PACRG: variants seen among roughly 807,000 people sequenced by gnomAD.
The protein encoded by PACRG is parkin coregulated.
PACRG carries 29 observed loss-of-function variants against 29.7 expected under a neutral mutation model. The observed-to-expected ratio is 0.98, with a 90% CI of 0.73 to 1.33. The LOEUF (loss-of-function observed/expected upper bound fraction) is 1.33, where lower values mean the gene tolerates loss of function less well. Among genes scored for constraint, PACRG ranks in the 40% most tolerant of loss-of-function variants. The pLI, the probability that PACRG is intolerant of heterozygous loss-of-function variation, is 0.00. For missense variants in PACRG, 279 were observed against 316.2 expected (o/e 0.88, Z 0.89); for synonymous variants, 116 against 118.7 (o/e 0.98, Z 0.15).
chr6:163,143,896 T>C (rs565627540), intron 4 of PACRG, among the ~76,000 whole-genome samples: 1 of 152,192 alleles, frequency 6.6e-6, no homozygotes, highest in African/African-American at 2.4e-5. Flanking sequence ...AGTTGAATGA[T>C]GTTTCCAACT....
intron 4 of PACRG, among the ~76,000 whole-genome samples, chr6:163,311,160 T>C (rs1785398766): frequency 6.6e-6 from 1 of 152,236 alleles, no homozygotes; most frequent in South Asian, 2.1e-4. Context: ...GTAGGTCACA[T>C]GCCTCCTGCA....
chr6:162,844,308 T>G (rs897694872), intron 2 of PACRG, among the ~76,000 whole-genome samples: 1 of 152,066 alleles, frequency 6.6e-6, no homozygotes, highest in Admixed American at 6.6e-5. Context: ...TGGTGCGCCG[T>G]TTTTTAAGCC....
intron 2 of PACRG, among the ~76,000 whole-genome samples, chr6:162,873,390 AC>A (rs1458598994): frequency 6.6e-6 from 1 of 152,060 alleles, no homozygotes; most frequent in Non-Finnish European, 1.5e-5. Context: ...TTCTTTCTAA[AC>A]CTTTACTTTC....
chr6:162,766,677 A>T (rs1000583746), intron 1 of PACRG, among the ~76,000 whole-genome samples: 2 of 152,106 alleles, frequency 1.3e-5, no homozygotes, highest in African/African-American at 4.8e-5. Context: ...GAATTTTGAT[A>T]TTTCTTCTTG....
rs908268740 is a variant in PACRG, at chr6:162,853,548, A to G, written c.291+39267A>G. 6.6e-6 allele frequency among the ~76,000 whole-genome samples: 1 copy of G among 152,222 alleles called. No individual in the cohort carries two copies. Among genetic ancestry groups the G allele is most frequent in the African/African-American group, 2.4e-5 (1 of 41,460 alleles). On this transcript the variant is annotated intron_variant, in intron 2 of 4. Coordinates refer to ENST00000366888, the MANE Select transcript of PACRG (RefSeq NM_001080379.2). The surrounding 1 kb of genome is among the most constrained non-coding windows in gnomAD (Gnocchi z 4.7). Reference sequence around the variant, plus strand: ...CAGAAAGAAATATGCATACAAAGCTATACTACCAGATAACACAGGAACAGA... The same window carrying G: ...CAGAAAGAAATATGCATACAAAGCTGTACTACCAGATAACACAGGAACAGA...
intron 2 of PACRG, among the ~76,000 whole-genome samples, chr6:162,961,445 A>G (rs868608735): frequency 8.5e-5 from 13 of 152,290 alleles, no homozygotes; most frequent in Middle Eastern, 6.8e-3. Flanking sequence ...TATAACTCCA[A>G]CCTTGTATTT....
rs192888516 is a variant in PACRG at position 162,805,638 on chromosome 6, A to G, written c.157-8509A>G. ...AAAACTTCTTTCAAAATTGGAGTCA[A>G]TCTTCTCAAATTGTGCCCATGCTTT... On this transcript the variant is annotated intron_variant, in intron 1 of 4. Transcript: ENST00000366888. Among the ~76,000 whole-genome samples the G allele has an allele frequency of 7.5e-3, 1,137 of 152,338 alleles. 4 individuals are homozygous for G. Among genetic ancestry groups the G allele is most frequent in the Non-Finnish European group, 0.012 (810 of 68,024 alleles).
At chr6:162,763,568 G>T (rs58101470) in intron 1 of PACRG, among the ~76,000 whole-genome samples, 8,044 of 152,190 alleles carry the variant, frequency 0.053, 720 homozygotes, top group African/African-American at 0.18. Flanking sequence ...GATATTCACA[G>T]GCTCTGTTCT....
intron 1 of PACRG, among the ~76,000 whole-genome samples, chr6:162,772,718 G>T (rs1335806555): frequency 3.9e-5 from 6 of 152,176 alleles, no homozygotes; most frequent in African/African-American, 1.4e-4. Context: ...CAAAGAGTAG[G>T]CTAGAGAAAA....
intron 1 of PACRG, among the ~76,000 whole-genome samples, chr6:162,788,745 T>A (rs1041469626): frequency 1.3e-5 from 2 of 152,210 alleles, no homozygotes; most frequent in Non-Finnish European, 2.9e-5. Flanking sequence ...AAATTGGCAT[T>A]TCTTTATGGC....
At chr6:162,732,118 G>T (rs1036695121) in intron 1 of PACRG, among the ~76,000 whole-genome samples, 2 of 152,042 alleles carry the variant, frequency 1.3e-5, no homozygotes, top group East Asian at 3.9e-4. Flanking sequence ...CATCCAACTG[G>T]CCAGAACCTA....
rs538081299 is a variant in PACRG, at chr6:162,933,519, G to T, written c.291+119238G>T. On this transcript the variant is annotated intron_variant, in intron 2 of 4. Coordinates refer to ENST00000366888, the MANE Select transcript of PACRG (RefSeq NM_001080379.2). ...TTGCATTACATTTGTGGGTGTTTTG[G>T]TGTTGTGAGCATAAATATTTACAAT... 2.0e-5 allele frequency among the ~76,000 whole-genome samples: 3 copies of T among 150,316 alleles called. No homozygotes were observed. The South Asian group carries it at 6.3e-4, about 32-fold the overall frequency.
chr6:163,031,996 A>G (rs1807712586), intron 2 of PACRG, among the ~76,000 whole-genome samples: 1 of 152,234 alleles, frequency 6.6e-6, no homozygotes, highest in African/African-American at 2.4e-5. Flanking sequence ...AGTTTCTCCA[A>G]TTGTGTCATG....
At position 162,882,083 on chromosome 6, in the gene PACRG, A is replaced by C. The variant is rs531744738; in HGVS notation, c.291+67802A>C. Among the ~76,000 whole-genome samples the C allele has an allele frequency of 7.3e-4, 102 of 140,204 alleles. 1 individual carries two copies. The highest frequency in any genetic ancestry group is 2.7e-3 in the African/African-American group (97 of 36,338). 92.0% of individuals were successfully genotyped at this position (140,204 alleles called of 152,430 possible). A position where few individuals can be genotyped will look rare whatever the true frequency, so the allele number is the denominator to read the frequency against. ...GGGGCGCTCTCCACCAAGACCAGAGACTCGGGGTGGGGGGGCGCACTCTCC... is the reference window on the plus strand; with the variant it reads ...GGGGCGCTCTCCACCAAGACCAGAGCCTCGGGGTGGGGGGGCGCACTCTCC... On this transcript the variant is annotated intron_variant, in intron 2 of 4. Transcript: ENST00000366888.
At chr6:163,298,060 TG>T (rs1784848400) in intron 4 of PACRG, among the ~76,000 whole-genome samples, 1 of 152,206 alleles carries the variant, frequency 6.6e-6, no homozygotes, top group Non-Finnish European at 1.5e-5. Context: ...CTCTGCTCTC[TG>T]AAATAGTGCT....
upstream of PACRG, chr6:162,727,657 C>A (rs1204087943): frequency 6.3e-7 from 1 of 1,584,678 alleles, no homozygotes; most frequent in Admixed American, 1.8e-5. Context: ...CAGGTACCCA[C>A]GTACCTATCA....
chr6:162,859,071 T>C (rs1791638272), intron 2 of PACRG, among the ~76,000 whole-genome samples: 1 of 152,158 alleles, frequency 6.6e-6, no homozygotes, highest in Non-Finnish European at 1.5e-5. Context: ...CCTTAAATAA[T>C]TGGAGGCCTC....
intron 1 of PACRG, among the ~76,000 whole-genome samples, chr6:162,747,506 G>A (rs1408634418): frequency 1.6e-5 from 1 of 61,994 alleles, no homozygotes; most frequent in African/African-American, 7.0e-5. Flanking sequence ...CATTAGTTCT[G>A]TCCCTCCAGA....
intron 1 of PACRG, among the ~76,000 whole-genome samples, chr6:162,735,826 T>C (rs371929516): frequency 6.6e-6 from 1 of 152,294 alleles, no homozygotes; most frequent in South Asian, 2.1e-4. Context: ...TTCAACTAGC[T>C]CACAGTGAAA....
Sources: allele counts gnomAD v4.1 joint callset (sites outside exome capture counted in the v4.1 genomes callset), GRCh38; gene constraint gnomAD v4.1.1; non-coding constraint Gnocchi (gnomAD v3.1); transcripts MANE v1.5; gene names NCBI Gene and HGNC (gene_info 2026-07-23, HGNC 2026-07-21).